PLPPR5: variants seen among roughly 807,000 people sequenced by gnomAD.
The protein encoded by PLPPR5 is phospholipid phosphatase-related protein type 5.
A neutral mutation model predicts 33.9 loss-of-function variants in PLPPR5; 16 were observed. The ratio of observed to expected loss-of-function variants is 0.47; its 90% CI spans 0.32 to 0.72. The LOEUF (loss-of-function observed/expected upper bound fraction) is 0.72. Among genes scored for constraint, PLPPR5 ranks in the 30% least tolerant of loss-of-function variants. The probability of loss-of-function intolerance (pLI) is 0.03; values close to 1 mark genes in which losing one functional copy is unlikely to be tolerated. For missense variants in PLPPR5, 301 were observed against 406.7 expected (o/e 0.74, Z 2.23); for synonymous variants, 163 against 150.3 (o/e 1.08, Z -0.62).
At chr1:98,943,102 T>G (rs989143945) in intron 3 of PLPPR5, among the ~76,000 whole-genome samples, 6 of 152,048 alleles carry the variant, frequency 3.9e-5, no homozygotes, top group African/African-American at 1.4e-4. Flanking sequence ...GAACATAGCA[T>G]CCCTTAGGGG....
At chr1:98,957,215 T>G (rs148768679) in intron 1 of PLPPR5, among the ~76,000 whole-genome samples, 38,772 of 146,164 alleles carry the variant, frequency 0.27, 5,608 homozygotes, top group East Asian at 0.49. Flanking sequence ...AGGGATAGCA[T>G]TGGGAGATAT....
chr1:98,949,101 G>GA (rs916751820), intron 3 of PLPPR5, among the ~76,000 whole-genome samples: 1 of 151,804 alleles, frequency 6.6e-6, no homozygotes, highest in African/African-American at 2.4e-5. Context: ...GCTTTTAATT[G>GA]AAAAAAACTT....
intron 3 of PLPPR5, among the ~76,000 whole-genome samples, chr1:98,937,358 G>A (rs1480773746): frequency 6.6e-6 from 1 of 152,174 alleles, no homozygotes; most frequent in African/African-American, 2.4e-5. Context: ...CTATCAAGAG[G>A]TAGAGTCCAA....
intron 1 of PLPPR5, among the ~76,000 whole-genome samples, chr1:98,961,258 C>A (rs1651239394): frequency 6.6e-6 from 1 of 152,168 alleles, no homozygotes; most frequent in Non-Finnish European, 1.5e-5. Flanking sequence ...ACATACACAG[C>A]ATCAAAGATA....
At chr1:98,920,426 T>C (rs1269047378) in intron 4 of PLPPR5, among the ~76,000 whole-genome samples, 1 of 149,342 alleles carries the variant, frequency 6.7e-6, no homozygotes, top group Non-Finnish European at 1.5e-5. Context: ...TTTTTGAATG[T>C]TAACCAGTTT....
At chr1:98,986,365 A>G (rs1652264854) in intron 1 of PLPPR5, among the ~76,000 whole-genome samples, 1 of 151,876 alleles carries the variant, frequency 6.6e-6, no homozygotes, top group South Asian at 2.1e-4. Context: ...AGTATAAGAC[A>G]CGGAGTTCAA....
intron 1 of PLPPR5, among the ~76,000 whole-genome samples, chr1:98,991,724 T>G (rs1652456998): frequency 6.6e-6 from 1 of 152,202 alleles, no homozygotes; most frequent in South Asian, 2.1e-4. Context: ...TTTATTTCAC[T>G]GGAAGGCGGA....
chr1:98,959,435 T>TA (rs1443640161), intron 1 of PLPPR5, among the ~76,000 whole-genome samples: 1 of 152,240 alleles, frequency 6.6e-6, no homozygotes, highest in African/African-American at 2.4e-5. Context: ...TGAACTATGT[T>TA]AACTAAAATA....
rs972125700 is a variant in PLPPR5, at chr1:98,892,235, G to C, written c.*837C>G. Reference sequence around the variant, plus strand: ...AAGAGTGGAGCTTTTGACCACTCTTGAGACACTGCTACCCATGGGAAATTA... The same window carrying C: ...AAGAGTGGAGCTTTTGACCACTCTTCAGACACTGCTACCCATGGGAAATTA... On this transcript the variant is annotated 3_prime_UTR_variant, in exon 6 of 6. Coordinates refer to ENST00000263177, the MANE Select transcript of PLPPR5 (RefSeq NM_001037317.2). The C allele has an allele frequency of 1.3e-5, 2 of 152,214 alleles. No individual in the cohort carries two copies. The highest frequency in any genetic ancestry group is 2.4e-5 in the African/African-American group (1 of 41,390). The allele number at this position is 152,214 out of a possible 1,614,324, so 9.4% of individuals were successfully genotyped here.
At chr1:98,961,260 T>A (rs1287573247) in intron 1 of PLPPR5, among the ~76,000 whole-genome samples, 1 of 152,214 alleles carries the variant, frequency 6.6e-6, no homozygotes, top group Non-Finnish European at 1.5e-5. Flanking sequence ...ATACACAGCA[T>A]CAAAGATAGG....
intron 5 of PLPPR5, among the ~76,000 whole-genome samples, chr1:98,895,033 C>T (rs1319079224): frequency 6.6e-6 from 1 of 151,918 alleles, no homozygotes; most frequent in Non-Finnish European, 1.5e-5. Flanking sequence ...GGACAACAGG[C>T]TTAAATGAGG....
chr1:98,898,483 A>G (rs1182700261), intron 5 of PLPPR5, among the ~76,000 whole-genome samples: 1 of 152,178 alleles, frequency 6.6e-6, no homozygotes, highest in Admixed American at 6.6e-5. Flanking sequence ...TGAGCAGAAG[A>G]GAGGCAAAAA....
At chr1:98,982,469 G>C (rs931702211) in intron 1 of PLPPR5, among the ~76,000 whole-genome samples, 1 of 152,052 alleles carries the variant, frequency 6.6e-6, no homozygotes, top group African/African-American at 2.4e-5. Context: ...GGCAGGATAA[G>C]GAAGTCCCTT....
chr1:98,893,006 G>A lies in PLPPR5; in HGVS notation c.*66C>T, dbSNP rs1187683611. 14 of 1,455,298 alleles carry A rather than the reference G, an allele frequency of 9.6e-6. 1 individual carries two copies. In the East Asian group the frequency reaches 2.8e-4, roughly 29 times the overall value. The allele number at this position is 1,455,298 out of a possible 1,614,324, so 90.1% of individuals were successfully genotyped here. On this transcript the variant is annotated 3_prime_UTR_variant, in exon 6 of 6. Transcript: ENST00000263177. ...CTTCACTTGCAATCAAACAAACTTT[G>A]GGTGTTATGAATGGATGGTAAAAAG...
At chr1:98,940,043 G>T (rs1187655766) in intron 3 of PLPPR5, among the ~76,000 whole-genome samples, 1 of 151,918 alleles carries the variant, frequency 6.6e-6, no homozygotes, top group East Asian at 1.9e-4. Context: ...GGAATAGAGT[G>T]ATCAAATGTA....
intron 1 of PLPPR5, among the ~76,000 whole-genome samples, chr1:98,983,711 A>G (rs1316028328): frequency 1.3e-5 from 2 of 151,584 alleles, no homozygotes; most frequent in Admixed American, 6.6e-5. Flanking sequence ...CCAACAGTGT[A>G]AAAGTGTTCC....
chr1:98,931,210 A>G (rs1649952050), intron 3 of PLPPR5, among the ~76,000 whole-genome samples: 1 of 152,210 alleles, frequency 6.6e-6, no homozygotes, highest in Non-Finnish European at 1.5e-5. Context: ...CTCCCATGCT[A>G]GCTTATATGG....
At chr1:98,916,553 C>T (rs984078220) in intron 4 of PLPPR5, among the ~76,000 whole-genome samples, 4 of 152,296 alleles carry the variant, frequency 2.6e-5, no homozygotes, top group African/African-American at 9.6e-5. Flanking sequence ...TTCAACTCCA[C>T]CTTTTTGGTG....
intron 4 of PLPPR5, among the ~76,000 whole-genome samples, chr1:98,917,617 T>G (rs1259179283): frequency 6.6e-6 from 1 of 152,192 alleles, no homozygotes; most frequent in Non-Finnish European, 1.5e-5. Flanking sequence ...TCCACTGTCT[T>G]TGGATGCCAT....
Sources: allele counts gnomAD v4.1 joint callset (sites outside exome capture counted in the v4.1 genomes callset), GRCh38; gene constraint gnomAD v4.1.1; transcripts MANE v1.5; gene names NCBI Gene and HGNC (gene_info 2026-07-23, HGNC 2026-07-21).